SAXO1: variants seen among roughly 807,000 people sequenced by gnomAD.
The protein encoded by SAXO1 is stabilizer of axonemal microtubules 1.
SAXO1 carries 21 observed loss-of-function variants against 17.5 expected under a neutral mutation model. The ratio of observed to expected loss-of-function variants is 1.20; its 90% CI spans 0.85 to 1.72. The LOEUF is 1.72. Among genes scored for constraint, SAXO1 ranks in the 40% most tolerant of loss-of-function variants. The pLI is 0.00. For missense variants in SAXO1, 843 were observed against 596.0 expected (o/e 1.41, Z -4.32); for synonymous variants, 274 against 216.5 (o/e 1.27, Z -2.33).
intron 1 of SAXO1, among the ~76,000 whole-genome samples, chr9:18,987,891 T>C (rs1833659334): frequency 1.5e-5 from 2 of 133,016 alleles, no homozygotes; most frequent in South Asian, 5.1e-4. Flanking sequence ...AGTGAGACCC[T>C]GTCTCAAAAA....
chr9:18,942,208 C>T (rs1831592482), intron 2 of SAXO1, among the ~76,000 whole-genome samples: 1 of 152,160 alleles, frequency 6.6e-6, no homozygotes. Context: ...ATTCAATCAC[C>T]ATAATGTGGC....
intron 1 of SAXO1, among the ~76,000 whole-genome samples, chr9:19,021,882 T>C (rs1835248631): frequency 6.6e-6 from 1 of 152,170 alleles, no homozygotes; most frequent in South Asian, 2.1e-4. Context: ...ATCAACACTC[T>C]GTAAAATGGA....
At chr9:18,985,466 A>G (rs1042253018) in intron 1 of SAXO1, among the ~76,000 whole-genome samples, 4 of 152,246 alleles carry the variant, frequency 2.6e-5, no homozygotes, top group South Asian at 2.1e-4. Flanking sequence ...AGGTATGCCT[A>G]TGCACACAGT....
chr9:19,021,977 C>G (rs746946296), intron 1 of SAXO1, among the ~76,000 whole-genome samples: 2 of 152,246 alleles, frequency 1.3e-5, no homozygotes, highest in Non-Finnish European at 2.9e-5. Context: ...TCAGCAGTGG[C>G]AACTGGGTCG....
chr9:18,963,767 A>C (rs1347589275), intron 1 of SAXO1, among the ~76,000 whole-genome samples: 1 of 152,114 alleles, frequency 6.6e-6, no homozygotes, highest in Non-Finnish European at 1.5e-5. Flanking sequence ...CTCTCTCCTA[A>C]TTGAATACCC....
intron 1 of SAXO1, among the ~76,000 whole-genome samples, chr9:18,956,452 C>T (rs1188457580): frequency 1.3e-5 from 2 of 152,082 alleles, no homozygotes; most frequent in African/African-American, 4.8e-5. Context: ...ATACTTATGA[C>T]TTGTCTTGCC....
intron 1 of SAXO1, among the ~76,000 whole-genome samples, chr9:18,989,516 A>C (rs1368964777): frequency 6.6e-6 from 1 of 152,068 alleles, no homozygotes; most frequent in Non-Finnish European, 1.5e-5. Context: ...CAATTCATAC[A>C]GAGCATGAGC....
chr9:18,962,521 G>A (rs1316735064), intron 1 of SAXO1, among the ~76,000 whole-genome samples: 2 of 152,220 alleles, frequency 1.3e-5, no homozygotes, highest in Admixed American at 6.5e-5. Context: ...TGTAGGTTCT[G>A]GGTATTAGCC....
At chr9:19,026,593 G>A (rs1423668025) in intron 1 of SAXO1, among the ~76,000 whole-genome samples, 2 of 152,162 alleles carry the variant, frequency 1.3e-5, no homozygotes, top group Non-Finnish European at 2.9e-5. Context: ...CATCGCCAGG[G>A]AAAAGAGAGG....
intron 1 of SAXO1, among the ~76,000 whole-genome samples, chr9:19,002,822 G>T (rs1391233141): frequency 6.6e-6 from 1 of 152,180 alleles, no homozygotes; most frequent in East Asian, 1.9e-4. Flanking sequence ...CATTCCCTTT[G>T]AAAACTGGCA....
At chr9:18,958,109 A>G (rs6475276) in intron 1 of SAXO1, among the ~76,000 whole-genome samples, 116,473 of 152,036 alleles carry the variant, frequency 0.77, 44,714 homozygotes, top group Middle Eastern at 0.83. Context: ...TCATGGTGCC[A>G]GTGAAATGAT....
chr9:19,010,179 T>C (rs1435147661), intron 1 of SAXO1, among the ~76,000 whole-genome samples: 1 of 151,966 alleles, frequency 6.6e-6, no homozygotes, highest in African/African-American at 2.4e-5. Context: ...ACACCTTATA[T>C]AAAAGTTGAA....
chr9:19,032,823 C>A, intron 1 of SAXO1, 48 bp downstream of exon 1: 1 of 1,600,090 alleles, frequency 6.2e-7, no homozygotes. Flanking sequence ...CCTCGGGAGT[C>A]TGAAAACCCA....
At chr9:19,023,268 C>G (rs1304623709) in intron 1 of SAXO1, among the ~76,000 whole-genome samples, 1 of 151,852 alleles carries the variant, frequency 6.6e-6, no homozygotes, top group Non-Finnish European at 1.5e-5. Flanking sequence ...GGCAGGATCT[C>G]CCACTCAGAC....
At chr9:18,950,598 T>C (rs1831990972) in intron 2 of SAXO1, among the ~76,000 whole-genome samples, 160 bp downstream of exon 2, 1 of 152,264 alleles carries the variant, frequency 6.6e-6, no homozygotes, top group African/African-American at 2.4e-5. Flanking sequence ...ATGCAGGATA[T>C]TCCTTCAGAG....
At chr9:18,976,674 A>G (rs73431252) in intron 1 of SAXO1, among the ~76,000 whole-genome samples, 6,008 of 152,288 alleles carry the variant, frequency 0.039, 337 homozygotes, top group African/African-American at 0.12. Flanking sequence ...CTCTCCCCCA[A>G]GCTCAGGGAC....
intron 1 of SAXO1, among the ~76,000 whole-genome samples, chr9:18,993,927 G>A (rs1446048942): frequency 6.6e-6 from 1 of 152,182 alleles, no homozygotes; most frequent in African/African-American, 2.4e-5. Context: ...GGTCTTGGTA[G>A]CACATAACTC....
At chr9:18,986,931 C>T (rs115439635) in intron 1 of SAXO1, among the ~76,000 whole-genome samples, 3 of 152,190 alleles carry the variant, frequency 2.0e-5, no homozygotes, top group East Asian at 1.9e-4. Context: ...AAGGGGTGCC[C>T]GTTTCTAATT....
chr9:19,014,689 C>A (rs1834895607), intron 1 of SAXO1, among the ~76,000 whole-genome samples: 1 of 152,058 alleles, frequency 6.6e-6, no homozygotes, highest in South Asian at 2.1e-4. Context: ...TTTAAGACTT[C>A]CTCTGAGAGG....
Sources: allele counts gnomAD v4.1 joint callset (sites outside exome capture counted in the v4.1 genomes callset), GRCh38; gene constraint gnomAD v4.1.1; transcripts MANE v1.5; gene names NCBI Gene and HGNC (gene_info 2026-07-23, HGNC 2026-07-21).